CYP4X1: variants seen among roughly 807,000 people sequenced by gnomAD.
CYP4X1 encodes cytochrome P450 4X1.
Under a neutral mutation model 57.9 loss-of-function variants are expected in CYP4X1, and 44 were observed. The ratio of observed to expected loss-of-function variants is 0.76; its 90% CI spans 0.60 to 0.98. The LOEUF is 0.98. CYP4X1 is among the 50% of genes least tolerant of loss of function. The probability of loss-of-function intolerance (pLI) is 0.00; values close to 1 mark genes in which losing one functional copy is unlikely to be tolerated. For missense variants in CYP4X1, 532 were observed against 623.9 expected, an observed-to-expected ratio of 0.85 and a Z score of 1.57; for synonymous variants, 227 against 228.6, an observed-to-expected ratio of 0.99 and a Z score of 0.06.
chr1:47,048,140 T>A (rs995305907), intron 9 of CYP4X1, among the ~76,000 whole-genome samples: 1 of 151,686 alleles, frequency 6.6e-6, no homozygotes, highest in Non-Finnish European at 1.5e-5. Flanking sequence ...TCCTGCCTAC[T>A]TGGGGGACTG....
chr1:46,976,121 G>A, the CYP4X1 span, among the ~76,000 whole-genome samples: 1 of 151,804 alleles, frequency 6.6e-6, no homozygotes, highest in Non-Finnish European at 1.5e-5. Flanking sequence ...GCCCATGGAG[G>A]GCAAGCCAAA....
the CYP4X1 span, among the ~76,000 whole-genome samples, chr1:47,014,900 A>G: frequency 6.6e-6 from 1 of 152,344 alleles, no homozygotes; most frequent in African/African-American, 2.4e-5. Flanking sequence ...ACATCAGCAC[A>G]GGTCGTATAG....
downstream of CYP4X1, among the ~76,000 whole-genome samples, chr1:47,054,905 C>G (rs1036704162): frequency 3.3e-5 from 5 of 152,118 alleles, no homozygotes; most frequent in Non-Finnish European, 7.4e-5. Context: ...ATTGAATGCC[C>G]TTTATTTCCT....
At chr1:46,986,552 C>T in the CYP4X1 span, among the ~76,000 whole-genome samples, 5 of 152,016 alleles carry the variant, frequency 3.3e-5, no homozygotes, top group African/African-American at 7.3e-5. Context: ...AGATACTCCT[C>T]GAGAAGAGCA....
chr1:47,001,375 T>C, the CYP4X1 span, among the ~76,000 whole-genome samples: 2 of 152,252 alleles, frequency 1.3e-5, no homozygotes, highest in Non-Finnish European at 2.9e-5. Flanking sequence ...TTGTTCACTC[T>C]TCCACAAACA....
At chr1:47,018,785 G>A (rs142068911), upstream of CYP4X1, among the ~76,000 whole-genome samples, 3 of 151,562 alleles carry the variant, frequency 2.0e-5, no homozygotes, top group East Asian at 2.0e-4. Context: ...TAGGAAAAAC[G>A]GGGAAAAAAG....
chr1:46,996,387 T>A, the CYP4X1 span, among the ~76,000 whole-genome samples: 1 of 152,200 alleles, frequency 6.6e-6, no homozygotes, highest in Non-Finnish European at 1.5e-5. Flanking sequence ...GCCATGTTTC[T>A]TCCAGTGTTT....
At chr1:46,999,026 TTGTGTGTGTGTGTGTGTGTG>T in the CYP4X1 span, among the ~76,000 whole-genome samples, 4 of 143,250 alleles carry the variant, frequency 2.8e-5, no homozygotes, top group Non-Finnish European at 3.0e-5. Flanking sequence ...CTTGCTTTCT[TTGTGTGTGTGTGTGTGTGTG>T]TGTGTGTGTG....
chr1:47,007,976 G>C, the CYP4X1 span, among the ~76,000 whole-genome samples: 4 of 152,160 alleles, frequency 2.6e-5, no homozygotes, highest in African/African-American at 9.7e-5. Context: ...TGGGGAGAAG[G>C]GAACCAAGTT....
At chr1:46,965,988 C>G in the CYP4X1 span, among the ~76,000 whole-genome samples, 1 of 152,222 alleles carries the variant, frequency 6.6e-6, no homozygotes. Flanking sequence ...TGACCACAAT[C>G]TGGCAAGGCA....
chr1:47,048,602 C>G lies in CYP4X1; in HGVS notation c.1245C>G (p.His415Gln), dbSNP rs149560395. Residue 415 changes from histidine (H) to glutamine (Q), a missense_variant, in exon 10 of 12, where the codon CAC (histidine) becomes CAG (glutamine). Transcript: ENST00000371901. ...TTCTTAGTATTTGGGGTCTTCACCA[C>G]AACCCTGCTGTCTGGAAAAACCCAA... Reference protein sequence around the residue: ...TVVLSIWGLHHNPAVWKNPKV... With the variant: ...TVVLSIWGLHQNPAVWKNPKV... 6.2e-7 allele frequency: 1 copy of G among 1,613,992 alleles called. No homozygotes were observed. The highest frequency in any genetic ancestry group is 2.2e-5 in the East Asian group (1 of 44,884).
the CYP4X1 span, among the ~76,000 whole-genome samples, chr1:46,998,930 G>T: frequency 6.6e-6 from 1 of 151,958 alleles, no homozygotes; most frequent in African/African-American, 2.4e-5. Flanking sequence ...ATTGATCTAT[G>T]TGTCTATTTT....
intron 1 of CYP4X1, among the ~76,000 whole-genome samples, chr1:47,028,027 C>G (rs996074515): frequency 1.3e-5 from 2 of 152,136 alleles, no homozygotes; most frequent in Admixed American, 6.6e-5. Context: ...CTCAATAAAT[C>G]CTTTGTTGAA....
chr1:47,004,612 T>C, the CYP4X1 span, among the ~76,000 whole-genome samples: 1 of 151,996 alleles, frequency 6.6e-6, no homozygotes, highest in Non-Finnish European at 1.5e-5. Context: ...TTTTTTTTAA[T>C]TTATTTATTT....
At position 47,046,654 on chromosome 1, in the gene CYP4X1, C is replaced by T. The variant is rs1644306252; in HGVS notation, c.1207+54C>T. 2.5e-6 allele frequency: 4 copies of T among 1,611,384 alleles called. No homozygotes were observed. In the Admixed American group the frequency reaches 6.7e-5, roughly 27 times the overall value. ...TTAGAGGCTATGGGATCCTGGAGAC[C>T]ACAGTGACAAAGATTAGTGAGTCTC... On this transcript the variant is annotated intron_variant, in intron 9 of 11. Transcript: ENST00000371901.
At chr1:47,011,016 C>G in the CYP4X1 span, among the ~76,000 whole-genome samples, 2 of 152,192 alleles carry the variant, frequency 1.3e-5, no homozygotes, top group Non-Finnish European at 2.9e-5. Flanking sequence ...CCATCCCCAT[C>G]AAGCTACCAA....
chr1:47,001,799 A>G, the CYP4X1 span, among the ~76,000 whole-genome samples: 17 of 152,198 alleles, frequency 1.1e-4, no homozygotes, highest in African/African-American at 3.9e-4. Context: ...CACAGCGGGG[A>G]CAGCGTCCCA....
At chr1:47,051,933 A>T (rs1487873544), downstream of CYP4X1, among the ~76,000 whole-genome samples, 1 of 152,184 alleles carries the variant, frequency 6.6e-6, no homozygotes, top group Non-Finnish European at 1.5e-5. Flanking sequence ...CTTTAAAAGC[A>T]TGCATGATAA....
the CYP4X1 span, among the ~76,000 whole-genome samples, chr1:46,983,084 G>A: frequency 6.6e-6 from 1 of 152,204 alleles, no homozygotes; most frequent in Non-Finnish European, 1.5e-5. Context: ...TGTGGGAAAG[G>A]CCGTCTGGCC....
Sources: allele counts gnomAD v4.1 joint callset (sites outside exome capture counted in the v4.1 genomes callset), GRCh38; gene constraint gnomAD v4.1.1; transcripts MANE v1.5; gene names NCBI Gene and HGNC (gene_info 2026-07-23, HGNC 2026-07-21).